STXBP5L: variants seen among roughly 807,000 people sequenced by gnomAD.
STXBP5L encodes the protein syntaxin binding protein 5L.
In STXBP5L, 65 loss-of-function variants were observed where a neutral mutation model predicts 144.5. The ratio of observed to expected loss-of-function variants is 0.45; its 90% CI spans 0.37 to 0.55. The LOEUF (loss-of-function observed/expected upper bound fraction) is 0.55. Ranked by LOEUF, STXBP5L falls within the 20% of genes least tolerant of loss-of-function variation. The pLI is 0.00. For synonymous variants in STXBP5L, 505 were observed against 469.6 expected, an observed-to-expected ratio of 1.08 and a Z score of -0.97; for missense variants, 1,298 against 1,405.5, an observed-to-expected ratio of 0.92 and a Z score of 1.22.
chr3:121,005,840 G>A (rs1248826229), intron 3 of STXBP5L, among the ~76,000 whole-genome samples: 2 of 152,164 alleles, frequency 1.3e-5, no homozygotes, highest in African/African-American at 2.4e-5. Flanking sequence ...AGGTTGTTCA[G>A]TTTCCATGTA....
chr3:121,409,504 CAAG>C (rs371370838), intron 23 of STXBP5L, among the ~76,000 whole-genome samples: 1 of 151,634 alleles, frequency 6.6e-6, no homozygotes, highest in South Asian at 2.1e-4. Flanking sequence ...TTCAAGGAGA[CAAG>C]AATAGAGGCA....
At chr3:120,994,259 C>G (rs1008149576) in intron 3 of STXBP5L, among the ~76,000 whole-genome samples, 1 of 151,978 alleles carries the variant, frequency 6.6e-6, no homozygotes, top group Non-Finnish European at 1.5e-5. Flanking sequence ...TTCCTCTTTT[C>G]TAATTTGGAT....
At chr3:121,130,792 A>G (rs2044948661) in intron 7 of STXBP5L, among the ~76,000 whole-genome samples, 1 of 152,168 alleles carries the variant, frequency 6.6e-6, no homozygotes, top group Non-Finnish European at 1.5e-5. Context: ...AAAACTCTTC[A>G]TTAAACAACT....
intron 7 of STXBP5L, among the ~76,000 whole-genome samples, chr3:121,139,354 T>C (rs1227707421): frequency 1.3e-5 from 2 of 152,090 alleles, no homozygotes; most frequent in Admixed American, 1.3e-4. Flanking sequence ...TATAAACATG[T>C]ACAATTACTA....
chr3:121,120,808 A>G, intron 6 of STXBP5L, among the ~76,000 whole-genome samples: 1 of 151,456 alleles, frequency 6.6e-6, no homozygotes, highest in South Asian at 2.1e-4. Flanking sequence ...CTGTGTTAAT[A>G]TAATCATAAG....
At chr3:121,386,217 C>A (rs999560961) in intron 22 of STXBP5L, among the ~76,000 whole-genome samples, 1 of 152,046 alleles carries the variant, frequency 6.6e-6, no homozygotes, top group African/African-American at 2.4e-5. Flanking sequence ...TTATAGGTTT[C>A]AATATTTAGC....
At chr3:121,248,353 C>T (rs1020655043) in intron 14 of STXBP5L, among the ~76,000 whole-genome samples, 2 of 152,120 alleles carry the variant, frequency 1.3e-5, no homozygotes, top group African/African-American at 4.8e-5. Flanking sequence ...CATGAGCCAC[C>T]GTGCCTGGCC....
At chr3:121,089,494 A>G (rs181026786) in intron 5 of STXBP5L, among the ~76,000 whole-genome samples, 1 of 148,832 alleles carries the variant, frequency 6.7e-6, no homozygotes, top group African/African-American at 2.5e-5. Context: ...TCCCATAGTT[A>G]AGGTGTTGTT....
chr3:121,266,804 A>C (rs1406740242), intron 18 of STXBP5L, among the ~76,000 whole-genome samples: 10 of 152,198 alleles, frequency 6.6e-5, no homozygotes, highest in Admixed American at 5.9e-4. Flanking sequence ...TCAGTGTGCA[A>C]AAATCACTAC....
intron 3 of STXBP5L, among the ~76,000 whole-genome samples, chr3:120,975,857 T>C (rs985920161): frequency 2.4e-4 from 37 of 152,154 alleles, no homozygotes; most frequent in East Asian, 1.5e-3. Context: ...TATTGATTTG[T>C]GTATATTGAA....
chr3:120,990,530 A>G (rs558442389), intron 3 of STXBP5L, among the ~76,000 whole-genome samples: 4 of 152,320 alleles, frequency 2.6e-5, no homozygotes, highest in Admixed American at 2.6e-4. Context: ...ACAAAGCTGG[A>G]GGCATCACGC....
intron 5 of STXBP5L, among the ~76,000 whole-genome samples, chr3:121,093,422 A>T (rs1466759252): frequency 6.6e-6 from 1 of 152,014 alleles, no homozygotes; most frequent in East Asian, 1.9e-4. Flanking sequence ...TTGGTTGGTA[A>T]GCTATTGATT....
At chr3:121,320,961 A>C (rs1204690837) in intron 20 of STXBP5L, among the ~76,000 whole-genome samples, 3 of 152,174 alleles carry the variant, frequency 2.0e-5, no homozygotes, top group Non-Finnish European at 4.4e-5. Flanking sequence ...GGCCTCCCAA[A>C]GTGCTGGGAT....
chr3:121,100,450 C>G (rs1459152603), intron 5 of STXBP5L, among the ~76,000 whole-genome samples: 1 of 152,040 alleles, frequency 6.6e-6, no homozygotes, highest in Non-Finnish European at 1.5e-5. Flanking sequence ...TCTTTTATTA[C>G]CACACAATTA....
chr3:120,955,952 T>C (rs1937983894), intron 3 of STXBP5L, among the ~76,000 whole-genome samples: 2 of 152,066 alleles, frequency 1.3e-5, no homozygotes, highest in African/African-American at 4.8e-5. Context: ...TTCATTCATA[T>C]TGTTGCATGT....
intron 9 of STXBP5L, among the ~76,000 whole-genome samples, chr3:121,192,176 C>G (rs1319379165): frequency 6.6e-6 from 1 of 152,096 alleles, no homozygotes; most frequent in Non-Finnish European, 1.5e-5. Flanking sequence ...TCTTATACAC[C>G]AATAACAGAC....
At chr3:120,976,492 T>G (rs1038541883) in intron 3 of STXBP5L, among the ~76,000 whole-genome samples, 1 of 152,116 alleles carries the variant, frequency 6.6e-6, no homozygotes, top group African/African-American at 2.4e-5. Flanking sequence ...TTTCAAAAAA[T>G]CAGCTCCTGG....
intron 19 of STXBP5L, among the ~76,000 whole-genome samples, chr3:121,292,640 A>G (rs1238291374): frequency 6.6e-6 from 1 of 152,232 alleles, no homozygotes; most frequent in Non-Finnish European, 1.5e-5. Context: ...GAACCAACCC[A>G]AATGGCCATC....
In STXBP5L at chr3:121,004,762, C is replaced by T. The variant is rs146397146; in HGVS notation, c.288-36938C>T. Among the ~76,000 whole-genome samples, 20 of 152,032 alleles carry T rather than the reference C, an allele frequency of 1.3e-4. No individual in the cohort carries two copies. The South Asian group carries it at 3.5e-3, about 27-fold the overall frequency. On this transcript the variant is annotated intron_variant, in intron 3 of 26. Transcript: ENST00000471454. ...TTTTTTGAGAGTTTTTAGCATGAAG[C>T]GTTGTTGAATTTTGTCAAAGGCCTT...
Sources: allele counts gnomAD v4.1 joint callset (sites outside exome capture counted in the v4.1 genomes callset), GRCh38; gene constraint gnomAD v4.1.1; transcripts MANE v1.5; gene names NCBI Gene and HGNC (gene_info 2026-07-23, HGNC 2026-07-21).